The following FHOD3 variants were observed in gnomAD, a reference collection of about 807,000 sequenced individuals.
The protein encoded by FHOD3 is FH1/FH2 domain-containing protein 3.
Under a neutral mutation model 173.0 loss-of-function variants are expected in FHOD3, and 90 were observed. That is an observed-to-expected ratio of 0.52 (90% CI 0.44 to 0.62). The LOEUF (loss-of-function observed/expected upper bound fraction) is 0.62, where lower values mean the gene tolerates loss of function less well. Ranked by LOEUF, FHOD3 falls within the 20% of genes least tolerant of loss-of-function variation. The pLI, the probability that FHOD3 is intolerant of heterozygous loss-of-function variation, is 0.00. For synonymous variants in FHOD3, 828 were observed against 823.0 expected, an observed-to-expected ratio of 1.01 and a Z score of -0.10; for missense variants, 1,945 against 2,034.7, an observed-to-expected ratio of 0.96 and a Z score of 0.85.
intron 3 of FHOD3, among the ~76,000 whole-genome samples, chr18:36,480,419 A>C (rs2053821208): frequency 6.6e-6 from 1 of 152,242 alleles, no homozygotes; most frequent in Non-Finnish European, 1.5e-5. Flanking sequence ...GGGTTAGCTG[A>C]AATGTCTACC....
intron 3 of FHOD3, among the ~76,000 whole-genome samples, chr18:36,434,034 A>G (rs1368150164): frequency 6.6e-6 from 1 of 152,170 alleles, no homozygotes; most frequent in Non-Finnish European, 1.5e-5. Context: ...CTTCCAAGCC[A>G]CTGGCGATTG....
At chr18:36,603,104 T>C (rs1326523021) in intron 8 of FHOD3, among the ~76,000 whole-genome samples, 1 of 152,204 alleles carries the variant, frequency 6.6e-6, no homozygotes, top group Non-Finnish European at 1.5e-5. Context: ...AGGGAAAGCA[T>C]GGCCCTGCTG....
At chr18:36,585,877 G>C (rs539355163) in intron 6 of FHOD3, among the ~76,000 whole-genome samples, 29 of 152,322 alleles carry the variant, frequency 1.9e-4, no homozygotes, top group East Asian at 5.8e-4. Context: ...GCAGCATGCT[G>C]TTCCTTCCAG....
intron 19 of FHOD3, among the ~76,000 whole-genome samples, chr18:36,724,640 T>C (rs1285528614): frequency 2.6e-5 from 4 of 152,198 alleles, no homozygotes; most frequent in Admixed American, 2.6e-4. Context: ...CTAGACAGCC[T>C]CTCTTTCCAC....
At position 36,743,308 on chromosome 18, in the gene FHOD3, C is replaced by CA. The variant is rs57694311; in HGVS notation, c.3879+480dup. Among the ~76,000 whole-genome samples, 577 of 65,896 alleles carry CA rather than the reference C, an allele frequency of 8.8e-3. 29 individuals carry two copies. Among genetic ancestry groups the CA allele is most frequent in the Middle Eastern group, 0.028 (3 of 108 alleles). 43.2% of individuals were successfully genotyped at this position (65,896 alleles called of 152,430 possible). On this transcript the variant is annotated intron_variant, in intron 22 of 28. Transcript: ENST00000590592. Reference sequence around the variant, plus strand: ...TGGGTGACAGAGCAAGACTCTGTCTCAAAAAAAAAAAAAAAAAAAAAAAAA... The same window carrying CA: ...TGGGTGACAGAGCAAGACTCTGTCTCAAAAAAAAAAAAAAAAAAAAAAAAAA...
intron 20 of FHOD3, among the ~76,000 whole-genome samples, chr18:36,736,045 T>G (rs1161487923): frequency 6.6e-6 from 1 of 152,244 alleles, no homozygotes; most frequent in Non-Finnish European, 1.5e-5. Flanking sequence ...ACAGGAAATT[T>G]TCTGTGACCC....
intron 5 of FHOD3, among the ~76,000 whole-genome samples, chr18:36,557,129 A>G (rs2057919423): frequency 6.6e-6 from 1 of 152,090 alleles, no homozygotes; most frequent in Non-Finnish European, 1.5e-5. Context: ...AGCTGAATTG[A>G]TATGATTTTC....
chr18:36,418,561 T>C (rs1003195370), intron 3 of FHOD3, among the ~76,000 whole-genome samples: 6 of 152,188 alleles, frequency 3.9e-5, no homozygotes, highest in Admixed American at 2.6e-4. Flanking sequence ...TGGCAAAACG[T>C]TGACTTTTGC....
chr18:36,416,282 C>T (rs545583926), intron 3 of FHOD3, among the ~76,000 whole-genome samples: 1 of 152,356 alleles, frequency 6.6e-6, no homozygotes, highest in South Asian at 2.1e-4. Flanking sequence ...ATCCGCCTGC[C>T]TCGGCCTTCC....
At chr18:36,419,208 T>C (rs758058570) in intron 3 of FHOD3, among the ~76,000 whole-genome samples, 1 of 151,822 alleles carries the variant, frequency 6.6e-6, no homozygotes, top group African/African-American at 2.4e-5. Flanking sequence ...ATTTGCCGTC[T>C]TCTCCTTGGT....
chr18:36,382,368 C>T (rs545210355), intron 3 of FHOD3, among the ~76,000 whole-genome samples: 118 of 152,126 alleles, frequency 7.8e-4, no homozygotes, highest in African/African-American at 2.6e-3. Context: ...GGCCCAATAA[C>T]GAGAAGCAGA....
chr18:36,332,632 C>T (rs946085852), intron 1 of FHOD3, among the ~76,000 whole-genome samples: 3 of 152,244 alleles, frequency 2.0e-5, no homozygotes, highest in Non-Finnish European at 2.9e-5. Context: ...TCCTAGACAA[C>T]TGGTCCCATC....
intron 3 of FHOD3, among the ~76,000 whole-genome samples, chr18:36,467,028 TCCCTG>T: frequency 6.6e-6 from 1 of 152,160 alleles, no homozygotes; most frequent in South Asian, 2.1e-4. Context: ...TAAGAGGGGA[TCCCTG>T]CCCCATCTCA....
At chr18:36,560,491 A>G (rs1308656871) in intron 5 of FHOD3, among the ~76,000 whole-genome samples, 5 of 152,184 alleles carry the variant, frequency 3.3e-5, no homozygotes, top group Admixed American at 3.3e-4. Context: ...CCTACCTCCC[A>G]TGTCTTCCCT....
Position 36,652,813 on chromosome 18 carries a change from G to A in FHOD3, c.1530G>A (p.Pro510=), listed in dbSNP as rs775833665. The A allele has an allele frequency of 3.1e-5, 47 of 1,535,860 alleles. No homozygotes were observed. Among genetic ancestry groups the A allele is most frequent in the Middle Eastern group, 1.7e-4 (1 of 5,984 alleles). The stretch of plus-strand genomic sequence containing the variant: ...CACCAGGCTCCCTGAAGGTGTCACC[G>A]ACCATAGACAAGCTGCCCTACGTGC... ...SATPGSLKVS[P]TIDKLPYVPH... Residue 510 remains proline (P), a synonymous_variant, in exon 12 of 29, where the codon CCG becomes CCA. Coordinates refer to ENST00000590592, the MANE Select transcript of FHOD3 (RefSeq NM_001281740.3).
chr18:36,729,282 C>T (rs1462182128), intron 19 of FHOD3, among the ~76,000 whole-genome samples: 1 of 152,204 alleles, frequency 6.6e-6, no homozygotes, highest in Admixed American at 6.5e-5. Context: ...GAAACCTGAG[C>T]AAGAGCAGGG....
chr18:36,355,043 T>C (rs2046296391), intron 1 of FHOD3, among the ~76,000 whole-genome samples: 1 of 152,176 alleles, frequency 6.6e-6, no homozygotes, highest in South Asian at 2.1e-4. Context: ...TTCAGTTCAA[T>C]TGTAAAAATA....
chr18:36,321,702 G>A (rs1360456052), intron 1 of FHOD3, among the ~76,000 whole-genome samples: 1 of 152,220 alleles, frequency 6.6e-6, no homozygotes, highest in African/African-American at 2.4e-5. Context: ...TTGGGGGACT[G>A]CCCAGTGCTT....
At chr18:36,542,373 A>G (rs1397048482) in intron 5 of FHOD3, among the ~76,000 whole-genome samples, 2 of 152,220 alleles carry the variant, frequency 1.3e-5, no homozygotes, top group Non-Finnish European at 2.9e-5. Context: ...TAGGGATTTA[A>G]AAAATTACCA....
Sources: gnomAD v4.1 joint callset for allele counts (sites outside exome capture counted in the v4.1 genomes callset) on GRCh38, gnomAD v4.1.1 for gene constraint, MANE v1.5 for transcripts, NCBI Gene and HGNC (gene_info 2026-07-23, HGNC 2026-07-21) for gene names.